Variants in ADCYAP1R1 observed in about 807,000 individuals in gnomAD.
The protein encoded by ADCYAP1R1 is pituitary adenylate cyclase-activating polypeptide type I receptor.
A neutral mutation model predicts 67.6 loss-of-function variants in ADCYAP1R1; 44 were observed. The observed-to-expected ratio is 0.65, with a 90% CI of 0.51 to 0.84. The LOEUF (loss-of-function observed/expected upper bound fraction) is 0.84, where lower values mean the gene tolerates loss of function less well. ADCYAP1R1 is among the 40% of genes least tolerant of loss of function. The pLI is 0.00. For missense variants in ADCYAP1R1, 477 were observed against 587.9 expected (o/e 0.81, Z 1.95); for synonymous variants, 222 against 219.6 (o/e 1.01, Z -0.10).
At chr7:31,104,980 C>A in intron 15 of ADCYAP1R1, 71 bp downstream of exon 15, 2 of 1,496,112 alleles carry the variant, frequency 1.3e-6, no homozygotes, top group African/African-American at 1.4e-5. Flanking sequence ...GGGGAACCAC[C>A]TGTTGGCCAC....
chr7:31,064,854 C>T lies in ADCYAP1R1; in HGVS notation c.75C>T (p.Cys25=), dbSNP rs1400598111. 1 of 1,612,684 alleles carries T rather than the reference C, an allele frequency of 6.2e-7. No homozygotes were observed. The highest frequency in any genetic ancestry group is 1.3e-5 in the African/African-American group (1 of 74,920). The part of the protein sequence containing the change: ...LPMAPAMHSD[C]IFKKEQAMCL... ...AGGCCCCTGCCATGCATTCTGACTG[C>T]ATCTTCAAGAAGGAGCAAGCCATGT... is the stretch of plus-strand genomic sequence containing the variant. The change falls in exon 3 of 16, where the codon TGC becomes TGT. Residue 25 remains cysteine (C), a synonymous_variant. Coordinates refer to ENST00000304166, the MANE Select transcript of ADCYAP1R1 (RefSeq NM_001118.5).
chr7:31,106,575 C>T lies in ADCYAP1R1; in HGVS notation c.1298C>T (p.Pro433Leu), dbSNP rs748288103. 68 of 1,613,968 alleles carry T rather than the reference C, an allele frequency of 4.2e-5. No individual in the cohort carries two copies. The highest frequency in any genetic ancestry group is 7.7e-5 in the South Asian group (7 of 91,088). The part of the protein sequence containing the change: ...YFAVDFKHRH[P>L]SLASSGVNGG... The stretch of plus-strand genomic sequence containing the variant: ...GCTGTGGACTTCAAGCACCGACACC[C>T]GTCTCTGGCCAGCAGTGGGGTGAAT... Residue 433 changes from proline (P) to leucine (L), a missense_variant, in exon 16 of 16, where the codon CCG becomes CTG. Transcript: ENST00000304166.
chr7:31,085,466 T>TA (rs1230417347), intron 9 of ADCYAP1R1, 24 bp downstream of exon 9: 1 of 1,607,464 alleles, frequency 6.2e-7, no homozygotes, highest in Non-Finnish European at 8.5e-7. Context: ...GCAGACCCAT[T>TA]AGGGCTCTGC....
chr7:31,097,985 C>G (rs1330647025), intron 13 of ADCYAP1R1, among the ~76,000 whole-genome samples: 4 of 152,184 alleles, frequency 2.6e-5, no homozygotes, highest in African/African-American at 9.7e-5. Flanking sequence ...ACTGCAACCT[C>G]TTTCTCCTGG....
intron 3 of ADCYAP1R1, among the ~76,000 whole-genome samples, chr7:31,065,229 A>C (rs929004564): frequency 6.6e-6 from 1 of 152,200 alleles, no homozygotes; most frequent in Non-Finnish European, 1.5e-5. Flanking sequence ...GTGGCTGTCA[A>C]GAGCTTGTTA....
intron 4 of ADCYAP1R1, among the ~76,000 whole-genome samples, chr7:31,078,585 C>T (rs773902726): frequency 3.3e-5 from 5 of 152,226 alleles, no homozygotes; most frequent in African/African-American, 4.8e-5. Flanking sequence ...GTAGACACCC[C>T]CCTCAGGCAG....
At chr7:31,072,503 T>C (rs12533865) in intron 3 of ADCYAP1R1, among the ~76,000 whole-genome samples, 9,781 of 152,274 alleles carry the variant, frequency 0.064, 366 homozygotes, top group Middle Eastern at 0.13. Flanking sequence ...CGACTCTGTC[T>C]GACACAGGAC....
At chr7:31,081,005 G>T (rs1051314728) in intron 5 of ADCYAP1R1, among the ~76,000 whole-genome samples, 6 of 152,224 alleles carry the variant, frequency 3.9e-5, no homozygotes, top group Non-Finnish European at 7.3e-5. Context: ...ATCCCTGACA[G>T]CTAAGAAGCC....
chr7:31,096,502 C>T (rs1444472238), intron 13 of ADCYAP1R1, among the ~76,000 whole-genome samples: 7 of 152,174 alleles, frequency 4.6e-5, no homozygotes, highest in Non-Finnish European at 7.3e-5. Flanking sequence ...TAGTTACCCT[C>T]ATGTTGCAGA....
intron 1 of ADCYAP1R1, among the ~76,000 whole-genome samples, chr7:31,061,367 A>C (rs1794494271): frequency 6.6e-6 from 1 of 152,224 alleles, no homozygotes; most frequent in South Asian, 2.1e-4. Context: ...AGAAGTGACC[A>C]AGCCCTTTAG....
intron 1 of ADCYAP1R1, among the ~76,000 whole-genome samples, chr7:31,062,118 T>C (rs547641188): frequency 1.3e-5 from 2 of 152,380 alleles, no homozygotes; most frequent in East Asian, 3.9e-4. Flanking sequence ...TGCTTGCATA[T>C]GCTTCTTTTT....
Position 31,086,291 on chromosome 7 carries a change from C to A in ADCYAP1R1, c.670-93C>A. On this transcript the variant is annotated intron_variant, in intron 9 of 15. Transcript: ENST00000304166. This position sits in a 1 kb window ranked among gnomAD's most constrained non-coding sequence, Gnocchi z 5.0. ...CTCTTAGATCCTTGGGATGTTTGAA[C>A]CTGAGCATGCCAGAGCCAACGGGCC... is the stretch of plus-strand genomic sequence containing the variant. 1 of 1,309,852 alleles carries A rather than the reference C, an allele frequency of 7.6e-7. No individual in the cohort carries two copies. Among genetic ancestry groups the A allele is most frequent in the Non-Finnish European group, 1.1e-6 (1 of 952,036 alleles). The allele number at this position is 1,309,852 out of a possible 1,614,324, so 81.1% of individuals were successfully genotyped here.
At chr7:31,073,569 C>T (rs1180613416) in intron 3 of ADCYAP1R1, among the ~76,000 whole-genome samples, 1 of 152,172 alleles carries the variant, frequency 6.6e-6, no homozygotes, top group African/African-American at 2.4e-5. Context: ...CTCCCATCCT[C>T]CCAAGCTCCA....
Position 31,081,693 on chromosome 7 carries a change from C to A in ADCYAP1R1, c.287-20C>A. 2 of 1,589,428 alleles carry A rather than the reference C, an allele frequency of 1.3e-6. No individual in the cohort carries two copies. Among genetic ancestry groups the A allele is most frequent in the Non-Finnish European group, 1.7e-6 (2 of 1,167,102 alleles). On this transcript the variant is annotated intron_variant, in intron 5 of 15. Coordinates refer to ENST00000304166, the MANE Select transcript of ADCYAP1R1 (RefSeq NM_001118.5). ...TGTAAGCCAGGCATTTTGATATATG[C>A]CTATGTCTGTATTTTTCAGGAGAGT... is the stretch of plus-strand genomic sequence containing the variant.
chr7:31,077,931 T>G, intron 3 of ADCYAP1R1, 60 bp from the exon 4 acceptor site: 2 of 1,121,802 alleles, frequency 1.8e-6, no homozygotes, highest in East Asian at 4.8e-5. Flanking sequence ...ATGTGTGTGG[T>G]GGTGTGTGTG....
intron 12 of ADCYAP1R1, among the ~76,000 whole-genome samples, chr7:31,092,265 A>G (rs1414606508): frequency 6.6e-6 from 1 of 151,264 alleles, no homozygotes; most frequent in Non-Finnish European, 1.5e-5. Flanking sequence ...CCCATATTTG[A>G]TGACTCTGAA....
chr7:31,087,011 C>G lies in ADCYAP1R1; in HGVS notation c.884+8C>G. 2.5e-6 allele frequency: 4 copies of G among 1,614,170 alleles called. No individual in the cohort carries two copies. The highest frequency in any genetic ancestry group is 3.4e-6 in the Non-Finnish European group (4 of 1,180,004). On this transcript the variant is annotated splice_region_variant and intron_variant, in intron 11 of 15. Coordinates refer to ENST00000304166, the MANE Select transcript of ADCYAP1R1 (RefSeq NM_001118.5). ...CTACTTTGATGACACAGGGTTAGTA[C>G]ATGCGCGAGAGTCAGGGCCACAGCA...
At chr7:31,064,581 T>C (rs1332027907) in intron 2 of ADCYAP1R1, among the ~76,000 whole-genome samples, 1 of 152,186 alleles carries the variant, frequency 6.6e-6, no homozygotes, top group Middle Eastern at 3.2e-3. Flanking sequence ...TTATAAGATG[T>C]GGAAACTGAG....
At chr7:31,063,368 C>T (rs1794592438) in intron 2 of ADCYAP1R1, 53 bp downstream of exon 2, 1 of 1,596,674 alleles carries the variant, frequency 6.3e-7, no homozygotes, top group African/African-American at 1.3e-5. Context: ...TGAGTCCCCG[C>T]TCCAGAGAAC....
Sources: gnomAD v4.1 joint callset for allele counts (sites outside exome capture counted in the v4.1 genomes callset) on GRCh38, gnomAD v4.1.1 for gene constraint, Gnocchi (gnomAD v3.1) non-coding constraint, MANE v1.5 for transcripts, NCBI Gene and HGNC (gene_info 2026-07-23, HGNC 2026-07-21) for gene names.